The following TMOD1 variants were observed in gnomAD, a reference collection of about 807,000 sequenced individuals.
The protein encoded by TMOD1 is tropomodulin-1.
Under a neutral mutation model 40.6 loss-of-function variants are expected in TMOD1, and 17 were observed. The observed-to-expected ratio is 0.42, with a 90% CI of 0.29 to 0.63. The LOEUF (loss-of-function observed/expected upper bound fraction) is 0.63. Among genes scored for constraint, TMOD1 ranks in the 20% least tolerant of loss-of-function variants. The pLI is 0.22. For synonymous variants in TMOD1, 181 were observed against 175.0 expected, an observed-to-expected ratio of 1.03 and a Z score of -0.27; for missense variants, 391 against 447.6, an observed-to-expected ratio of 0.87 and a Z score of 1.14.
In TMOD1 at chr9:97,599,948, C is replaced by G; in HGVS notation, c.*250C>G. ...ATTTAAAAACTAGAAGCCCCCAAAC[C>G]AGCAGATCTTACTGAAGATGATGTT... On this transcript the variant is annotated 3_prime_UTR_variant, in exon 10 of 10. Coordinates refer to ENST00000259365, the MANE Select transcript of TMOD1 (RefSeq NM_003275.4). 1 of 1,264,912 alleles carries G rather than the reference C, an allele frequency of 7.9e-7. No individual in the cohort carries two copies. The highest frequency in any genetic ancestry group is 1.0e-6 in the Non-Finnish European group (1 of 996,244). The allele number at this position is 1,264,912 out of a possible 1,614,324, so 78.4% of individuals were successfully genotyped here. A position where few individuals can be genotyped will look rare whatever the true frequency, so the allele number is the denominator to read the frequency against.
At chr9:97,537,211 G>T (rs12375711) in intron 2 of TMOD1, among the ~76,000 whole-genome samples, 26,853 of 152,210 alleles carry the variant, frequency 0.18, 2,650 homozygotes, top group Middle Eastern at 0.29. Flanking sequence ...GAGCTGCCAG[G>T]AGTCTGTGAT....
chr9:97,594,795 A>G (rs575630057), intron 9 of TMOD1, among the ~76,000 whole-genome samples: 19 of 152,338 alleles, frequency 1.2e-4, no homozygotes, highest in African/African-American at 4.6e-4. Flanking sequence ...GTTTTCCCAC[A>G]GCAATACCTC....
intron 8 of TMOD1, among the ~76,000 whole-genome samples, chr9:97,581,295 TCATCCATGTCCCTA>T (rs1393557724): frequency 6.7e-6 from 1 of 148,876 alleles, no homozygotes; most frequent in Non-Finnish European, 1.5e-5. Flanking sequence ...ATTTCCAATT[TCATCCATGTCCCTA>T]CAAAGGACAT....
intron 3 of TMOD1, among the ~76,000 whole-genome samples, chr9:97,549,801 A>C (rs996175514): frequency 6.6e-6 from 1 of 152,040 alleles, no homozygotes; most frequent in African/African-American, 2.4e-5. Context: ...TGACCCTGGT[A>C]TTGCACCCAC....
chr9:97,546,165 C>A lies in TMOD1; in HGVS notation c.121-20C>A, dbSNP rs780049684. The A allele has an allele frequency of 6.3e-7, 1 of 1,594,394 alleles. No homozygotes were observed. The highest frequency in any genetic ancestry group is 8.5e-7 in the Non-Finnish European group (1 of 1,173,320). The stretch of plus-strand genomic sequence containing the variant: ...CTCTCTCTTTCTCTCTCTCCTGCCC[C>A]CCCACAACCTCCAATGTAGAATGCA... On this transcript the variant is annotated intron_variant, in intron 2 of 9. Transcript: ENST00000259365.
intron 2 of TMOD1, among the ~76,000 whole-genome samples, chr9:97,531,033 A>ACCCCCCCCCC (rs202030181): frequency 3.8e-5 from 3 of 78,256 alleles, no homozygotes; most frequent in Admixed American, 1.6e-4. Flanking sequence ...GGTGATCCAC[A>ACCCCCCCCCC]CCCACCCCCC....
intron 8 of TMOD1, among the ~76,000 whole-genome samples, chr9:97,582,123 A>G (rs1825771057): frequency 6.6e-6 from 1 of 152,084 alleles, no homozygotes; most frequent in Admixed American, 6.6e-5. Context: ...TAGGGTTTTT[A>G]TGGTTTTAGG....
chr9:97,526,681 C>T (rs1830019706), intron 2 of TMOD1, among the ~76,000 whole-genome samples: 1 of 152,124 alleles, frequency 6.6e-6, no homozygotes, highest in South Asian at 2.1e-4. Context: ...ATCCCGGGAG[C>T]ACAGTTTGAT....
intron 2 of TMOD1, among the ~76,000 whole-genome samples, chr9:97,531,996 C>A (rs1394929357): frequency 6.6e-6 from 1 of 152,154 alleles, no homozygotes; most frequent in Non-Finnish European, 1.5e-5. Flanking sequence ...TCCCATCAGA[C>A]GATCATAAAA....
intron 8 of TMOD1, among the ~76,000 whole-genome samples, chr9:97,570,056 G>A (rs1247100206): frequency 6.6e-6 from 1 of 152,110 alleles, no homozygotes; most frequent in East Asian, 1.9e-4. Flanking sequence ...GGTTATACCT[G>A]AGTGAGACTA....
intron 9 of TMOD1, among the ~76,000 whole-genome samples, chr9:97,595,181 TTAAA>T (rs1442780412): frequency 6.6e-6 from 1 of 151,164 alleles, no homozygotes; most frequent in Non-Finnish European, 1.5e-5. Context: ...TGTGGAAAAA[TTAAA>T]TTAAGTGAAT....
rs1826229801 is a variant in TMOD1 at position 97,600,426 on chromosome 9, T to C, written c.*728T>C. On this transcript the variant is annotated 3_prime_UTR_variant, in exon 10 of 10. Transcript: ENST00000259365. ...GTTCTTTAAGAACATTTGGGATTTA[T>C]GTACAATTTAATACTGGAGTTAGAA... 2 of 985,810 alleles carry C rather than the reference T, an allele frequency of 2.0e-6. No homozygotes were observed. The highest frequency in any genetic ancestry group is 1.1e-4 in the East Asian group (1 of 8,824). 61.1% of individuals were successfully genotyped at this position (985,810 alleles called of 1,614,324 possible).
intron 2 of TMOD1, among the ~76,000 whole-genome samples, chr9:97,545,921 C>T (rs1345765691): frequency 6.6e-6 from 1 of 152,178 alleles, no homozygotes; most frequent in Non-Finnish European, 1.5e-5. Context: ...ATGTTAGAGG[C>T]AGGGATGGGC....
At chr9:97,589,007 C>A (rs1256541239) in intron 8 of TMOD1, among the ~76,000 whole-genome samples, 1 of 150,682 alleles carries the variant, frequency 6.6e-6, no homozygotes, top group Non-Finnish European at 1.5e-5. Context: ...ATCCCAGCTA[C>A]TCAGGAGGCT....
At chr9:97,569,360 CTGTT>C (rs1283354430) in intron 8 of TMOD1, among the ~76,000 whole-genome samples, 3 of 152,166 alleles carry the variant, frequency 2.0e-5, no homozygotes, top group South Asian at 2.1e-4. Flanking sequence ...CCCGTAAGTC[CTGTT>C]TGTTGGGCTT....
At position 97,553,308 on chromosome 9, in the gene TMOD1, C is replaced by A. The variant is rs1156389290; in HGVS notation, c.305C>A (p.Pro102Gln). 4.3e-6 allele frequency: 7 copies of A among 1,614,082 alleles called. No individual in the cohort carries two copies. The highest frequency in any genetic ancestry group is 5.9e-6 in the Non-Finnish European group (7 of 1,180,034). Residue 102 changes from proline to glutamine, a missense_variant, in exon 4 of 10, where the codon CCA becomes CAA. Pro to Gln is a moderately conservative substitution (Grantham distance 76). Transcript: ENST00000259365. Reference sequence around the variant, plus strand: ...AAGGTCTGGGTTCCTAAGCAGAAGCCACTGGATCCTGTGCTGGAAAGTGTG... The same window carrying A: ...AAGGTCTGGGTTCCTAAGCAGAAGCAACTGGATCCTGTGCTGGAAAGTGTG... The part of the protein sequence containing the change: ...RGKVWVPKQK[P>Q]LDPVLESVTL...
At chr9:97,522,664 C>T (rs980205336) in intron 1 of TMOD1, among the ~76,000 whole-genome samples, 8 of 152,082 alleles carry the variant, frequency 5.3e-5, no homozygotes, top group African/African-American at 1.7e-4. Context: ...TGGGCTAAAG[C>T]GATCCTCCCA....
intron 2 of TMOD1, among the ~76,000 whole-genome samples, chr9:97,529,655 C>T (rs1830070021): frequency 6.6e-6 from 1 of 152,152 alleles, no homozygotes; most frequent in Non-Finnish European, 1.5e-5. Context: ...CTAAAAGTAT[C>T]CGCTGTTGAC....
At chr9:97,555,842 T>G in intron 4 of TMOD1, 1 of 767,476 alleles carries the variant, frequency 1.3e-6, no homozygotes, top group Admixed American at 2.1e-5. Context: ...CCAAAGGGTT[T>G]AAACCCAGGC....
Sources: allele counts gnomAD v4.1 joint callset (sites outside exome capture counted in the v4.1 genomes callset), GRCh38; gene constraint gnomAD v4.1.1; transcripts MANE v1.5; gene names NCBI Gene and HGNC (gene_info 2026-07-23, HGNC 2026-07-21).